PLXNA4: variants seen among roughly 807,000 people sequenced by gnomAD.
PLXNA4 encodes the protein plexin-A4.
PLXNA4 carries 44 observed loss-of-function variants against 191.8 expected under a neutral mutation model. The ratio of observed to expected loss-of-function variants is 0.23; its 90% CI spans 0.18 to 0.29. PLXNA4 has a LOEUF of 0.29. Among genes scored for constraint, PLXNA4 ranks in the 10% least tolerant of loss-of-function variants. The pLI is 1.00. For missense variants in PLXNA4, 1,800 were observed against 2,488.8 expected, an observed-to-expected ratio of 0.72 and a Z score of 5.89; for synonymous variants, 1,082 against 1,009.5, an observed-to-expected ratio of 1.07 and a Z score of -1.36.
intron 21 of PLXNA4, among the ~76,000 whole-genome samples, chr7:132,174,526 T>A (rs936140880): frequency 1.3e-4 from 20 of 152,152 alleles, no homozygotes; most frequent in African/African-American, 4.8e-4. Context: ...CATCAACTAC[T>A]TCCATTCAAT....
chr7:132,202,834 G>T lies in PLXNA4; in HGVS notation c.2398C>A (p.His800Asn). ...NIDNPAQNKV[H>N]LYKCGAMRES... ...CGCATGGCTCCACACTTGTAGAGGT[G>T]AACTGCAGAGGGGAAGGGCAAGGAC... The change falls in exon 12 of 32, where the codon CAC (histidine) becomes AAC (asparagine). Residue 800 changes from histidine to asparagine, a missense_variant and splice_region_variant. Physicochemically the swap from His to Asn is moderately conservative, Grantham distance 68. Around this residue, in one of 6 missense-constraint regions of PLXNA4, gnomAD observed 1,397 missense variants for 1,880.4 expected, o/e 0.74. Transcript: ENST00000321063. 6.4e-7 allele frequency: 1 copy of T among 1,573,144 alleles called. No individual in the cohort carries two copies.
intron 3 of PLXNA4, among the ~76,000 whole-genome samples, chr7:132,452,954 A>G (rs1437291447): frequency 1.3e-5 from 2 of 152,142 alleles, no homozygotes; most frequent in Non-Finnish European, 2.9e-5. Flanking sequence ...GGTTCAGAAG[A>G]TGAGGATGGC....
chr7:132,480,118 A>G (rs1340172523), intron 3 of PLXNA4, among the ~76,000 whole-genome samples: 2 of 152,240 alleles, frequency 1.3e-5, no homozygotes, highest in Non-Finnish European at 2.9e-5. Context: ...CTAACTCCAC[A>G]TCATCCTGAG....
At chr7:132,300,506 C>T (rs1399742803) in intron 3 of PLXNA4, among the ~76,000 whole-genome samples, 1 of 152,208 alleles carries the variant, frequency 6.6e-6, no homozygotes, top group Non-Finnish European at 1.5e-5. Context: ...ATGAAAACAA[C>T]AGTTAAAGGA....
intron 3 of PLXNA4, among the ~76,000 whole-genome samples, chr7:132,437,870 G>A (rs936373958): frequency 6.6e-6 from 1 of 152,214 alleles, no homozygotes; most frequent in African/African-American, 2.4e-5. Context: ...TCCACATTAA[G>A]TGGAAAACAC....
At chr7:132,636,364 C>T (rs1440777965) in intron 2 of PLXNA4, among the ~76,000 whole-genome samples, 2 of 152,204 alleles carry the variant, frequency 1.3e-5, no homozygotes, top group African/African-American at 2.4e-5. Context: ...GCAGCCTGGA[C>T]TTCTAGCCAC....
chr7:132,536,338 A>T (rs183672314), intron 1 of PLXNA4, among the ~76,000 whole-genome samples: 4 of 152,216 alleles, frequency 2.6e-5, no homozygotes, highest in Admixed American at 2.6e-4. Context: ...CCTAGTCTTG[A>T]TCCTTGCAAC....
chr7:132,205,745 CCTG>C (rs1797595659), intron 10 of PLXNA4, among the ~76,000 whole-genome samples: 11 of 152,142 alleles, frequency 7.2e-5, no homozygotes, highest in Non-Finnish European at 2.9e-5. Flanking sequence ...TGAGCTCTGA[CCTG>C]TAGGAGGGAT....
intron 3 of PLXNA4, among the ~76,000 whole-genome samples, chr7:132,425,628 G>A (rs555585458): frequency 6.6e-6 from 1 of 152,226 alleles, no homozygotes; most frequent in East Asian, 1.9e-4. Flanking sequence ...AGGCAGGCAG[G>A]CAGACAGGGC....
intron 31 of PLXNA4, 96 bp from the exon 32 acceptor site, chr7:132,130,670 C>A: frequency 6.4e-7 from 1 of 1,568,396 alleles, no homozygotes. Context: ...GTCAGAAGCC[C>A]GGGAAGCCAC....
At position 132,133,149 on chromosome 7, in the gene PLXNA4, T is replaced by C; in HGVS notation, c.5489A>G (p.Asn1830Ser). 1.2e-6 allele frequency: 2 copies of C among 1,614,166 alleles called. No homozygotes were observed. Among genetic ancestry groups the C allele is most frequent in the South Asian group, 1.1e-5 (1 of 91,082 alleles). The change falls in exon 31 of 32, where the codon AAC becomes AGC. Residue 1830 changes from asparagine to serine, a missense_variant. By Grantham distance (46) the Asn-to-Ser change is conservative. Around this residue, in one of 6 missense-constraint regions of PLXNA4, gnomAD observed 83 missense variants for 81.6 expected, o/e 1.02. Transcript: ENST00000321063. ...KMPAISDQDM[N>S]AYLAEQSRMH... is the part of the protein sequence containing the mutation. ...CCGGGACTGCTCAGCCAGGTATGCG[T>C]TCATGTCTTGGTCGCTGATGGCTGG...
chr7:132,320,534 G>C (rs1352550386), intron 3 of PLXNA4, among the ~76,000 whole-genome samples: 1 of 152,198 alleles, frequency 6.6e-6, no homozygotes, highest in Non-Finnish European at 1.5e-5. Context: ...CTTTCCCTTT[G>C]GGGAGATACA....
intron 3 of PLXNA4, among the ~76,000 whole-genome samples, chr7:132,375,970 G>T (rs1804641609): frequency 1.3e-5 from 2 of 152,196 alleles, no homozygotes; most frequent in Admixed American, 6.5e-5. Flanking sequence ...GAACAGAAAA[G>T]AGCAGACAGT....
chr7:132,514,122 G>A (rs1050717412), intron 1 of PLXNA4, among the ~76,000 whole-genome samples: 4 of 151,380 alleles, frequency 2.6e-5, no homozygotes, highest in African/African-American at 7.3e-5. Context: ...TGTGATCTCA[G>A]CTCACTGCAA....
At chr7:132,303,208 G>A (rs1442140663) in intron 3 of PLXNA4, among the ~76,000 whole-genome samples, 1 of 150,762 alleles carries the variant, frequency 6.6e-6, no homozygotes, top group Non-Finnish European at 1.5e-5. Context: ...AGATACTTGT[G>A]GATCACCTAA....
intron 5 of PLXNA4, among the ~76,000 whole-genome samples, chr7:132,236,945 A>G (rs1798721969): frequency 1.3e-5 from 2 of 152,194 alleles, no homozygotes; most frequent in Admixed American, 1.3e-4. Context: ...AGAAAAGTGA[A>G]AGGGAGGGCA....
chr7:132,466,807 T>A (rs1288487896), intron 3 of PLXNA4, among the ~76,000 whole-genome samples: 1 of 152,224 alleles, frequency 6.6e-6, no homozygotes, highest in Non-Finnish European at 1.5e-5. Context: ...TCCCCCTGTG[T>A]TCTTTTAGCA....
intron 2 of PLXNA4, among the ~76,000 whole-genome samples, chr7:132,587,980 C>A (rs1802533107): frequency 6.6e-6 from 1 of 151,944 alleles, no homozygotes; most frequent in Non-Finnish European, 1.5e-5. Flanking sequence ...CATTCTATGT[C>A]CAGACTCCTT....
intron 10 of PLXNA4, among the ~76,000 whole-genome samples, chr7:132,205,385 G>A (rs920174530): frequency 6.6e-6 from 1 of 152,228 alleles, no homozygotes; most frequent in Non-Finnish European, 1.5e-5. Context: ...TGATTCCGGT[G>A]CTGGTTAAAG....
Sources: allele counts gnomAD v4.1 joint callset (sites outside exome capture counted in the v4.1 genomes callset), GRCh38; gene constraint gnomAD v4.1.1; regional missense constraint gnomAD v4.1.1; transcripts MANE v1.5; gene names NCBI Gene and HGNC (gene_info 2026-07-23, HGNC 2026-07-21).